Variants in NRG3 observed in about 807,000 individuals in gnomAD.
The protein encoded by NRG3 is pro-neuregulin-3, membrane-bound isoform.
NRG3 carries 31 observed loss-of-function variants against 66.9 expected under a neutral mutation model. The observed-to-expected ratio is 0.46, with a 90% CI of 0.35 to 0.63. NRG3 has a LOEUF of 0.63. Among genes scored for constraint, NRG3 ranks in the 20% least tolerant of loss-of-function variants. The probability of loss-of-function intolerance (pLI) is 0.00; values close to 1 mark genes in which losing one functional copy is unlikely to be tolerated. For synonymous variants in NRG3, 393 were observed against 359.4 expected (o/e 1.09, Z -1.06); for missense variants, 910 against 878.9 (o/e 1.04, Z -0.45).
At chr10:81,984,106 G>A (rs956102011) in intron 1 of NRG3, among the ~76,000 whole-genome samples, 6 of 152,156 alleles carry the variant, frequency 3.9e-5, no homozygotes, top group Non-Finnish European at 8.8e-5. Context: ...CAGGGAAAGA[G>A]TCTCCCTTCA....
intron 1 of NRG3, among the ~76,000 whole-genome samples, chr10:82,298,323 A>T (rs1289442700): frequency 6.6e-6 from 1 of 152,024 alleles, no homozygotes; most frequent in Non-Finnish European, 1.5e-5. Context: ...TAATCCTCAG[A>T]TCTATTTCTT....
chr10:82,048,041 A>G (rs1408391099), intron 1 of NRG3, among the ~76,000 whole-genome samples: 2 of 150,850 alleles, frequency 1.3e-5, no homozygotes, highest in Non-Finnish European at 3.0e-5. Flanking sequence ...TTAAACAAGA[A>G]GAGCTAACTA....
At position 82,023,492 on chromosome 10, in the gene NRG3, A is replaced by AT. The variant is rs577273352; in HGVS notation, c.823+147334dup. 4.9e-4 allele frequency among the ~76,000 whole-genome samples: 74 copies of AT among 152,010 alleles called. 1 individual carries two copies. The East Asian group carries it at 0.011, about 22-fold the overall frequency. On this transcript the variant is annotated intron_variant, in intron 1 of 8. Transcript: ENST00000372141. ...TATTCAGTAAGATGTTAACTATGGG[A>AT]TTTTTATAAGTGGTCTTTATTATTT...
At position 81,941,271 on chromosome 10, in the gene NRG3, C is replaced by G. The variant is rs376555633; in HGVS notation, c.823+65108C>G. ...ATATTATGCATTTTTGTTATTGAAT[C>G]TCACCACTAAAAATTGTGTTTAGTA... On this transcript the variant is annotated intron_variant, in intron 1 of 8. Transcript: ENST00000372141. Among the ~76,000 whole-genome samples the G allele has an allele frequency of 1.4e-4, 22 of 152,144 alleles. No individual in the cohort carries two copies. In the East Asian group the frequency reaches 3.1e-3, roughly 21 times the overall value.
At chr10:82,529,025 A>G (rs2132623861) in intron 2 of NRG3, among the ~76,000 whole-genome samples, 1 of 152,346 alleles carries the variant, frequency 6.6e-6, no homozygotes, top group South Asian at 2.1e-4. Context: ...TGCTTTTGGT[A>G]GACTGCGACT....
intron 3 of NRG3, among the ~76,000 whole-genome samples, chr10:82,835,027 G>A (rs1178055841): frequency 6.6e-6 from 1 of 152,170 alleles, no homozygotes. Flanking sequence ...AGGAAAACGA[G>A]GCTGGCACCT....
At chr10:82,681,064 A>G (rs1369549118) in intron 2 of NRG3, among the ~76,000 whole-genome samples, 1 of 152,226 alleles carries the variant, frequency 6.6e-6, no homozygotes, top group African/African-American at 2.4e-5. Flanking sequence ...ATGTCAAAGA[A>G]GAGTATAATA....
chr10:82,718,208 A>G (rs993315214), intron 2 of NRG3, among the ~76,000 whole-genome samples: 2 of 152,136 alleles, frequency 1.3e-5, no homozygotes, highest in Admixed American at 1.3e-4. Flanking sequence ...TCAGCCTAGG[A>G]GTGAGATGGT....
chr10:82,650,823 T>G (rs1201644112), intron 2 of NRG3, among the ~76,000 whole-genome samples: 1 of 152,156 alleles, frequency 6.6e-6, no homozygotes, highest in East Asian at 1.9e-4. Context: ...TCATTTAGCT[T>G]TTATAAAAGA....
In NRG3 at chr10:82,867,711, T is replaced by C. The variant is rs76360670; in HGVS notation, c.1054+2274T>C. Among the ~76,000 whole-genome samples, 1,140 of 152,106 alleles carry C rather than the reference T, an allele frequency of 7.5e-3. 18 individuals carry two copies. Among genetic ancestry groups the C allele is most frequent in the African/African-American group, 0.027 (1,105 of 41,480 alleles). On this transcript the variant is annotated intron_variant, in intron 4 of 8. Coordinates refer to ENST00000372141, the MANE Select transcript of NRG3 (RefSeq NM_001010848.4). ...AAGAAGAGATTGAGAATGCAGAAGG[T>C]GTGTTGCGGAATGTGGATGAGCAAT...
intron 4 of NRG3, among the ~76,000 whole-genome samples, chr10:82,931,484 G>A (rs1847571797): frequency 6.6e-6 from 1 of 152,138 alleles, no homozygotes; most frequent in South Asian, 2.1e-4. Flanking sequence ...GCACAAAGAA[G>A]TTAATTATAT....
At chr10:82,066,404 A>G (rs900452480) in intron 1 of NRG3, among the ~76,000 whole-genome samples, 1 of 152,214 alleles carries the variant, frequency 6.6e-6, no homozygotes, top group African/African-American at 2.4e-5. Flanking sequence ...AAATTTGTAG[A>G]CATGCCTATG....
chr10:82,928,055 AT>A (rs1847186622), intron 4 of NRG3, among the ~76,000 whole-genome samples: 1 of 152,188 alleles, frequency 6.6e-6, no homozygotes, highest in South Asian at 2.1e-4. Flanking sequence ...ATGAGATTGT[AT>A]CTCATTGCAG....
intron 3 of NRG3, among the ~76,000 whole-genome samples, chr10:82,788,105 G>T (rs981168): frequency 0.52 from 78,829 of 152,046 alleles, 22,050 homozygotes; most frequent in African/African-American, 0.75. Context: ...TGTGTTGTTG[G>T]CTTCATTTAG....
intron 1 of NRG3, among the ~76,000 whole-genome samples, chr10:82,026,678 T>C (rs2062326219): frequency 6.6e-6 from 1 of 151,096 alleles, no homozygotes; most frequent in African/African-American, 2.5e-5. Context: ...TTTGTCTGTC[T>C]GTTTGTCTGT....
At chr10:82,088,764 T>C (rs1420025183) in intron 1 of NRG3, among the ~76,000 whole-genome samples, 1 of 152,114 alleles carries the variant, frequency 6.6e-6, no homozygotes, top group East Asian at 1.9e-4. Context: ...ACTCGACTTT[T>C]CCCCAATACA....
chr10:82,232,950 G>A lies in NRG3; in HGVS notation c.824-125789G>A, dbSNP rs776541841. 5.5e-4 allele frequency: 360 copies of A among 658,852 alleles called. 2 individuals carry two copies. Among genetic ancestry groups the A allele is most frequent in the Non-Finnish European group, 2.6e-4 (91 of 355,872 alleles). 40.8% of individuals were successfully genotyped at this position (658,852 alleles called of 1,614,324 possible). A position where few individuals can be genotyped will look rare whatever the true frequency, so the allele number is the denominator to read the frequency against. On this transcript the variant is annotated intron_variant, in intron 1 of 8. Coordinates refer to ENST00000372141, the MANE Select transcript of NRG3 (RefSeq NM_001010848.4). ...AACAGGAGTGTTCTCTAGTTGCCTG[G>A]TACCTGGCCCTGGGTTGCTTAAGAC...
intron 2 of NRG3, among the ~76,000 whole-genome samples, chr10:82,537,820 G>A (rs909399823): frequency 3.3e-5 from 5 of 152,044 alleles, no homozygotes; most frequent in African/African-American, 1.2e-4. Flanking sequence ...CATAAATCAA[G>A]GGGTTTAGAC....
At chr10:82,463,116 A>G (rs1484880655) in intron 2 of NRG3, among the ~76,000 whole-genome samples, 1 of 152,184 alleles carries the variant, frequency 6.6e-6, no homozygotes, top group African/African-American at 2.4e-5. Flanking sequence ...AGCGCTTTTA[A>G]TATTTTAATT....
Sources: gnomAD v4.1 joint callset for allele counts (sites outside exome capture counted in the v4.1 genomes callset) on GRCh38, gnomAD v4.1.1 for gene constraint, MANE v1.5 for transcripts, NCBI Gene and HGNC (gene_info 2026-07-23, HGNC 2026-07-21) for gene names.